Variants in FCHSD2 observed in about 807,000 individuals in gnomAD.
The protein encoded by FCHSD2 is FCH and double SH3 domains 2, also known as F-BAR and double SH3 domains protein 2.
FCHSD2 carries 38 observed loss-of-function variants against 108.1 expected under a neutral mutation model. The ratio of observed to expected loss-of-function variants is 0.35; its 90% confidence interval spans 0.27 to 0.46. The LOEUF is 0.46. FCHSD2 is among the 20% of genes least tolerant of loss of function. FCHSD2 has a pLI of 1.00. For missense variants in FCHSD2, 751 were observed against 897.8 expected (o/e 0.84, Z 2.09); for synonymous variants, 279 against 314.7 (o/e 0.89, Z 1.20).
At chr11:72,957,473 A>G (rs1451367862) in intron 8 of FCHSD2, among the ~76,000 whole-genome samples, 1 of 151,112 alleles carries the variant, frequency 6.6e-6, no homozygotes, top group East Asian at 1.9e-4. Flanking sequence ...TCTACTCTTT[A>G]AAACTGTCAA....
chr11:73,071,615 C>T (rs1023262543), intron 3 of FCHSD2, among the ~76,000 whole-genome samples: 3 of 151,908 alleles, frequency 2.0e-5, no homozygotes, highest in Admixed American at 6.6e-5. Flanking sequence ...GCAGGAGAAT[C>T]GCTTGAACCT....
chr11:73,053,573 C>T (rs1240117330), intron 3 of FCHSD2, among the ~76,000 whole-genome samples: 4 of 152,106 alleles, frequency 2.6e-5, no homozygotes, highest in African/African-American at 4.8e-5. Context: ...TATACAAATA[C>T]GTTATCTCTT....
intron 3 of FCHSD2, among the ~76,000 whole-genome samples, chr11:73,027,124 G>C (rs964847321): frequency 2.0e-5 from 3 of 152,168 alleles, no homozygotes; most frequent in African/African-American, 7.2e-5. Flanking sequence ...GGCAGAGGTT[G>C]GAACAGTTTG....
intron 3 of FCHSD2, among the ~76,000 whole-genome samples, chr11:73,070,005 G>C (rs1859395022): frequency 1.3e-5 from 2 of 152,154 alleles, no homozygotes; most frequent in African/African-American, 2.4e-5. Flanking sequence ...ACATGGGCTT[G>C]AATTTTCAAC....
At position 72,852,661 on chromosome 11, in the gene FCHSD2, T is replaced by TA. The variant is rs113840704; in HGVS notation, c.1309-2773dup. 2.7e-3 allele frequency among the ~76,000 whole-genome samples: 392 copies of TA among 143,584 alleles called. 1 individual carries two copies. Among genetic ancestry groups the TA allele is most frequent in the African/African-American group, 7.6e-3 (297 of 39,186 alleles). 94.2% of individuals were successfully genotyped at this position (143,584 alleles called of 152,430 possible). On this transcript the variant is annotated intron_variant, in intron 13 of 19. Coordinates refer to ENST00000409418, the MANE Select transcript of FCHSD2 (RefSeq NM_014824.3). ...CCTGGGCAACAGAGCAAGATTGTCT[T>TA]AAAAAAAAAAAAGACACATGCACAC...
chr11:72,919,182 G>C (rs1440898284), intron 9 of FCHSD2, among the ~76,000 whole-genome samples: 1 of 152,246 alleles, frequency 6.6e-6, no homozygotes, highest in East Asian at 1.9e-4. Flanking sequence ...AGCATAGCAA[G>C]AGCAGCATAA....
At chr11:72,971,289 T>C (rs1439732776) in intron 8 of FCHSD2, among the ~76,000 whole-genome samples, 1 of 152,086 alleles carries the variant, frequency 6.6e-6, no homozygotes, top group East Asian at 1.9e-4. Context: ...AGGAATAAAT[T>C]TAACAAAATA....
At chr11:72,964,337 T>C (rs1179082549) in intron 8 of FCHSD2, among the ~76,000 whole-genome samples, 1 of 152,242 alleles carries the variant, frequency 6.6e-6, no homozygotes, top group Non-Finnish European at 1.5e-5. Context: ...TTGCTTAAGA[T>C]GTCATTATAA....
At position 72,965,080 on chromosome 11, in the gene FCHSD2, C is replaced by T. The variant is rs745593354; in HGVS notation, c.705+19008G>A. The stretch of plus-strand genomic sequence containing the variant: ...CTGGGATTACAGGCATGAGCCACCG[C>T]GCCTGGCCAATCATTTTACTTCTTA... On this transcript the variant is annotated intron_variant, in intron 8 of 19. Coordinates refer to ENST00000409418, the MANE Select transcript of FCHSD2 (RefSeq NM_014824.3). Among the ~76,000 whole-genome samples, 10 of 152,240 alleles carry T rather than the reference C, an allele frequency of 6.6e-5. No individual in the cohort carries two copies. In the South Asian group the frequency reaches 1.0e-3, roughly 16 times the overall value.
chr11:72,846,763 T>A (rs1008438014), intron 14 of FCHSD2, among the ~76,000 whole-genome samples: 3 of 152,204 alleles, frequency 2.0e-5, no homozygotes, highest in Non-Finnish European at 4.4e-5. Flanking sequence ...TTTTTCCTGA[T>A]TATATCATAC....
At chr11:72,871,307 C>T (rs932289528) in intron 12 of FCHSD2, among the ~76,000 whole-genome samples, 1 of 152,202 alleles carries the variant, frequency 6.6e-6, no homozygotes, top group Non-Finnish European at 1.5e-5. Context: ...ATCTGCCAAT[C>T]CCTGACATTC....
intron 8 of FCHSD2, among the ~76,000 whole-genome samples, chr11:72,953,744 T>C (rs1218831867): frequency 1.3e-5 from 2 of 152,124 alleles, no homozygotes; most frequent in Non-Finnish European, 2.9e-5. Flanking sequence ...CCTTATGTTG[T>C]GTAGTCAGGG....
At chr11:72,991,501 A>G (rs1367931327) in intron 5 of FCHSD2, among the ~76,000 whole-genome samples, 1 of 152,182 alleles carries the variant, frequency 6.6e-6, no homozygotes, top group African/African-American at 2.4e-5. Flanking sequence ...GCACACCAAA[A>G]GCTTATCCAC....
intron 3 of FCHSD2, among the ~76,000 whole-genome samples, chr11:73,079,353 C>G (rs1280331633): frequency 6.6e-6 from 1 of 151,830 alleles, no homozygotes; most frequent in African/African-American, 2.4e-5. Context: ...CCCGCCACGA[C>G]GCCTGGCTAA....
chr11:73,040,651 C>T (rs1858613369), intron 3 of FCHSD2, among the ~76,000 whole-genome samples: 1 of 152,144 alleles, frequency 6.6e-6, no homozygotes, highest in Non-Finnish European at 1.5e-5. Context: ...TTTTGATACA[C>T]ATATTCAATA....
intron 8 of FCHSD2, among the ~76,000 whole-genome samples, chr11:72,939,989 T>C (rs1856383320): frequency 6.6e-6 from 1 of 152,118 alleles, no homozygotes; most frequent in Non-Finnish European, 1.5e-5. Context: ...GGACTGCTTG[T>C]ACAGTCCCCT....
intron 10 of FCHSD2, among the ~76,000 whole-genome samples, chr11:72,897,845 T>C (rs1591378805): frequency 6.6e-6 from 1 of 152,158 alleles, no homozygotes; most frequent in East Asian, 1.9e-4. Flanking sequence ...TTCCATATCC[T>C]CCTCAGAAAA....
intron 2 of FCHSD2, among the ~76,000 whole-genome samples, chr11:73,112,028 C>T (rs1860498374): frequency 6.6e-6 from 1 of 152,174 alleles, no homozygotes; most frequent in South Asian, 2.1e-4. Context: ...ATAACTTATA[C>T]ATCACAATTA....
intron 8 of FCHSD2, among the ~76,000 whole-genome samples, chr11:72,924,775 A>G (rs1591403010): frequency 6.6e-6 from 1 of 151,552 alleles, no homozygotes; most frequent in African/African-American, 2.4e-5. Context: ...AGATGACACC[A>G]TTGAGCACTT....
Sources: allele counts gnomAD v4.1 joint callset (sites outside exome capture counted in the v4.1 genomes callset), GRCh38; gene constraint gnomAD v4.1.1; transcripts MANE v1.5; gene names NCBI Gene and HGNC (gene_info 2026-07-23, HGNC 2026-07-21).